Variants in ZFAT observed in about 807,000 individuals in gnomAD.
The protein encoded by ZFAT is zinc finger and AT-hook domain containing.
In ZFAT, 64 loss-of-function variants were observed where a neutral mutation model predicts 117.7. The ratio of observed to expected loss-of-function variants is 0.54; its 90% confidence interval spans 0.44 to 0.67. The LOEUF is 0.67. ZFAT is among the 30% of genes least tolerant of loss of function. The probability of loss-of-function intolerance (pLI) is 0.00; values close to 1 mark genes in which losing one functional copy is unlikely to be tolerated. For missense variants in ZFAT, 1,433 were observed against 1,584.5 expected, an observed-to-expected ratio of 0.90 and a Z score of 1.62; for synonymous variants, 679 against 615.0, an observed-to-expected ratio of 1.10 and a Z score of -1.54.
the ZFAT span, among the ~76,000 whole-genome samples, chr8:134,819,232 G>A: frequency 6.6e-6 from 1 of 151,510 alleles, no homozygotes; most frequent in Non-Finnish European, 1.5e-5. Context: ...GCCTTGAATC[G>A]GTCTGGGAGT....
chr8:134,521,922 C>T (rs1820691185), intron 12 of ZFAT, among the ~76,000 whole-genome samples: 1 of 152,188 alleles, frequency 6.6e-6, no homozygotes, highest in African/African-American at 2.4e-5. Flanking sequence ...TGTGAGCTAC[C>T]CGATTCCAGC....
intron 10 of ZFAT, among the ~76,000 whole-genome samples, chr8:134,581,115 T>C (rs1024512438): frequency 2.0e-5 from 3 of 152,090 alleles, no homozygotes; most frequent in Non-Finnish European, 4.4e-5. Context: ...ATAAACTTTT[T>C]TCAAAGTTTC....
chr8:134,542,223 C>A (rs571493900), intron 11 of ZFAT, among the ~76,000 whole-genome samples: 1 of 152,344 alleles, frequency 6.6e-6, no homozygotes, highest in South Asian at 2.1e-4. Context: ...GTGTCCTGGA[C>A]CAAAGTCAAG....
At chr8:134,669,937 G>T (rs1255028567) in intron 1 of ZFAT, among the ~76,000 whole-genome samples, 1 of 152,170 alleles carries the variant, frequency 6.6e-6, no homozygotes, top group African/African-American at 2.4e-5. Flanking sequence ...AACAAAAAAG[G>T]CAGAGGTTGC....
Position 134,570,638 on chromosome 8 carries a change from C to T in ZFAT, c.2888-5217G>A, listed in dbSNP as rs183447633. ...AGGTGAGAGCATCCTGGAGGTAAGG[C>T]TAGCAGTTAATTTACAGGAGCACCC... is the stretch of plus-strand genomic sequence containing the variant. On this transcript the variant is annotated intron_variant, in intron 10 of 15. Coordinates refer to ENST00000377838, the MANE Select transcript of ZFAT (RefSeq NM_020863.4). Among the ~76,000 whole-genome samples the T allele has an allele frequency of 3.9e-5, 6 of 152,268 alleles. No homozygotes were observed. The East Asian group carries it at 9.7e-4, about 24-fold the overall frequency.
the ZFAT span, among the ~76,000 whole-genome samples, chr8:134,775,751 G>T: frequency 1.3e-5 from 2 of 152,260 alleles, no homozygotes; most frequent in Admixed American, 6.5e-5. Flanking sequence ...TTTTTTGGTT[G>T]TCTTATGTAG....
At chr8:134,817,002 A>T in the ZFAT span, among the ~76,000 whole-genome samples, 1 of 151,850 alleles carries the variant, frequency 6.6e-6, no homozygotes, top group Non-Finnish European at 1.5e-5. Flanking sequence ...AAAAAAGTAT[A>T]CCATTTACAA....
chr8:134,483,974 C>T (rs1407194505), intron 15 of ZFAT, among the ~76,000 whole-genome samples: 3 of 152,204 alleles, frequency 2.0e-5, no homozygotes, highest in Non-Finnish European at 2.9e-5. Context: ...TCCTACTCCC[C>T]TGCCTGTTCT....
chr8:134,626,435 A>G (rs185560696), intron 3 of ZFAT, among the ~76,000 whole-genome samples: 2 of 152,362 alleles, frequency 1.3e-5, no homozygotes, highest in East Asian at 3.9e-4. Context: ...CAGCTTCTTC[A>G]TCTAAAAAAG....
At chr8:134,543,730 G>A (rs1291634576) in intron 11 of ZFAT, among the ~76,000 whole-genome samples, 2 of 152,048 alleles carry the variant, frequency 1.3e-5, no homozygotes. Context: ...GCCACTGACT[G>A]TGAAAGTCAG....
chr8:134,702,741 G>A (rs1030384065), intron 1 of ZFAT, among the ~76,000 whole-genome samples: 19 of 150,578 alleles, frequency 1.3e-4, no homozygotes, highest in African/African-American at 4.2e-4. Flanking sequence ...GCGCGATCTC[G>A]GCTCACTGCA....
intron 1 of ZFAT, among the ~76,000 whole-genome samples, chr8:134,661,121 G>C (rs891866320): frequency 6.6e-6 from 1 of 152,270 alleles, no homozygotes; most frequent in Non-Finnish European, 1.5e-5. Context: ...GGCTGCCATG[G>C]ACAGGAGAGG....
At chr8:134,785,006 A>G in the ZFAT span, 5 of 152,228 alleles carry the variant, frequency 3.3e-5, no homozygotes, top group African/African-American at 7.2e-5. Flanking sequence ...TTAGTCTTAT[A>G]AAAAGACAGA....
chr8:134,819,261 G>T, the ZFAT span, among the ~76,000 whole-genome samples: 1 of 151,304 alleles, frequency 6.6e-6, no homozygotes, highest in South Asian at 2.1e-4. Context: ...GAAGAGGAAG[G>T]GGGTGAAGGA....
At chr8:134,807,467 C>T in the ZFAT span, among the ~76,000 whole-genome samples, 9 of 152,066 alleles carry the variant, frequency 5.9e-5, no homozygotes, top group African/African-American at 1.9e-4. Context: ...AAGTAAAATT[C>T]TGAATTGGCC....
At chr8:134,494,904 G>C (rs1416586788) in intron 15 of ZFAT, among the ~76,000 whole-genome samples, 1 of 152,206 alleles carries the variant, frequency 6.6e-6, no homozygotes, top group Non-Finnish European at 1.5e-5. Context: ...TGACATGACA[G>C]TCTCCGATCT....
Position 134,646,814 on chromosome 8 carries a change from T to G in ZFAT, c.197-9102A>C, listed in dbSNP as rs1055982475. ...GATAACCTAGAAGAAACTGATAAATTCCTAGAATCACACAATCTACCAAGA... is the reference window on the plus strand; with the variant it reads ...GATAACCTAGAAGAAACTGATAAATGCCTAGAATCACACAATCTACCAAGA... On this transcript the variant is annotated intron_variant, in intron 2 of 15. Coordinates refer to ENST00000377838, the MANE Select transcript of ZFAT (RefSeq NM_020863.4). Among the ~76,000 whole-genome samples the G allele has an allele frequency of 1.3e-4, 20 of 152,006 alleles. 1 individual carries two copies. Among genetic ancestry groups the G allele is most frequent in the African/African-American group, 4.8e-4 (20 of 41,400 alleles).
chr8:134,484,309 A>T (rs1256844696), intron 15 of ZFAT, among the ~76,000 whole-genome samples: 1 of 152,226 alleles, frequency 6.6e-6, no homozygotes, highest in African/African-American at 2.4e-5. Flanking sequence ...GTGCAAAAGT[A>T]ACTGCAGTTT....
the ZFAT span, chr8:134,784,039 A>G: frequency 6.6e-6 from 1 of 152,326 alleles, no homozygotes; most frequent in African/African-American, 2.4e-5. Flanking sequence ...AGCATAAACT[A>G]TCTGGTGTGA....
Sources: allele counts gnomAD v4.1 joint callset (sites outside exome capture counted in the v4.1 genomes callset), GRCh38; gene constraint gnomAD v4.1.1; transcripts MANE v1.5; gene names NCBI Gene and HGNC (gene_info 2026-07-23, HGNC 2026-07-21).